The following ABCC2 variants were observed in gnomAD, a reference collection of about 807,000 sequenced individuals.
The protein encoded by ABCC2 is ATP binding cassette subfamily C member 2, also known as ATP-binding cassette sub-family C member 2.
In ABCC2, 157 loss-of-function variants were observed where a neutral mutation model predicts 173.4. The observed-to-expected ratio is 0.91, with a 90% confidence interval of 0.80 to 1.03. The LOEUF (loss-of-function observed/expected upper bound fraction) is 1.03. Ranked by LOEUF, ABCC2 falls within the 50% of genes least tolerant of loss-of-function variation. The probability of loss-of-function intolerance (pLI) is 0.00; values close to 1 mark genes in which losing one functional copy is unlikely to be tolerated. For missense variants in ABCC2, 1,822 were observed against 1,852.3 expected (o/e 0.98, Z 0.30); for synonymous variants, 657 against 693.5 (o/e 0.95, Z 0.83).
intron 17 of ABCC2, among the ~76,000 whole-genome samples, chr10:99,817,898 T>A (rs1365127345): frequency 6.6e-6 from 1 of 152,168 alleles, no homozygotes; most frequent in African/African-American, 2.4e-5. Context: ...TTGTGAATTA[T>A]CTTTTGATGT....
rs79176939 is a variant in ABCC2, at chr10:99,841,657, T to C, written c.3615-310T>C. On this transcript the variant is annotated intron_variant, in intron 25 of 31. Coordinates refer to ENST00000647814, the MANE Select transcript of ABCC2 (RefSeq NM_000392.5). ...GGTCCAGGAATTTTCCACATGAATT[T>C]GTAACATTGTATATTAACAGTTGCC... Among the ~76,000 whole-genome samples the C allele has an allele frequency of 0.032, 4,941 of 152,296 alleles. 260 individuals are homozygous for C. Among genetic ancestry groups the C allele is most frequent in the African/African-American group, 0.11 (4,641 of 41,536 alleles).
At chr10:99,812,166 T>C (rs1246853770) in intron 15 of ABCC2, among the ~76,000 whole-genome samples, 1 of 152,218 alleles carries the variant, frequency 6.6e-6, no homozygotes, top group Non-Finnish European at 1.5e-5. Context: ...CTCCTTACTA[T>C]ACTCCTGACT....
intron 26 of ABCC2, 68 bp from the exon 27 acceptor site, chr10:99,843,731 T>C: frequency 7.5e-7 from 1 of 1,329,276 alleles, no homozygotes; most frequent in Non-Finnish European, 1.1e-6. Context: ...TGGATTGTCC[T>C]TGTGGTTTGA....
chr10:99,788,414 C>G (rs183425345), intron 2 of ABCC2: 103 of 152,182 alleles, frequency 6.8e-4, no homozygotes, highest in African/African-American at 2.3e-3. Context: ...TATCCCACCC[C>G]CAAATAGACC....
rs2038469645 is a variant in ABCC2 at position 99,818,774 on chromosome 10, T to C, written c.2272-16T>C. 4 of 1,613,892 alleles carry C rather than the reference T, an allele frequency of 2.5e-6. No homozygotes were observed. Among genetic ancestry groups the C allele is most frequent in the Non-Finnish European group, 3.4e-6 (4 of 1,180,012 alleles). Reference sequence around the variant, plus strand: ...TCTAGGGAGTAGTGCTTAATATGAATTATTTTCTTCTTCAGGGTATAAATC... The same window carrying C: ...TCTAGGGAGTAGTGCTTAATATGAACTATTTTCTTCTTCAGGGTATAAATC... On this transcript the variant is annotated splice_polypyrimidine_tract_variant and intron_variant, in intron 17 of 31. Transcript: ENST00000647814.
chr10:99,845,828 G>C (rs1189347541), intron 29 of ABCC2, 46 bp downstream of exon 29: 2 of 1,568,080 alleles, frequency 1.3e-6, no homozygotes, highest in Admixed American at 3.7e-5. Context: ...GGAGCAGCTT[G>C]TTTTACAGGA....
chr10:99,846,035 A>C (rs1456951649), intron 29 of ABCC2, among the ~76,000 whole-genome samples: 3 of 152,230 alleles, frequency 2.0e-5, no homozygotes, highest in South Asian at 2.1e-4. Context: ...ACAGCAGACG[A>C]TTCTTTAGCG....
intron 11 of ABCC2, among the ~76,000 whole-genome samples, chr10:99,806,497 G>T (rs2038107605): frequency 6.6e-6 from 1 of 152,168 alleles, no homozygotes; most frequent in South Asian, 2.1e-4. Context: ...TTCCCTAGAT[G>T]ATTCTAATAT....
Position 99,832,252 on chromosome 10 carries a change from T to C in ABCC2, c.3258+121T>C, listed in dbSNP as rs544824919. The C allele has an allele frequency of 1.5e-5, 19 of 1,301,956 alleles. 1 individual carries two copies. Among genetic ancestry groups the C allele is most frequent in the Middle Eastern group, 2.5e-4 (1 of 3,930 alleles). 80.7% of individuals were successfully genotyped at this position (1,301,956 alleles called of 1,614,324 possible). On this transcript the variant is annotated intron_variant, in intron 23 of 31. Transcript: ENST00000647814. ...GTTCCAGTTCTTTTGTCACTCAACA[T>C]GCAAGTGTTTCTTGAGTACCTGCTG... is the stretch of plus-strand genomic sequence containing the variant.
chr10:99,784,864 T>G, intron 2 of ABCC2, 83 bp downstream of exon 2: 1 of 1,547,560 alleles, frequency 6.5e-7, no homozygotes, highest in Non-Finnish European at 8.9e-7. Context: ...GTTCTCTTCC[T>G]TGTCTTTAAG....
chr10:99,814,694 C>T (rs2038360087), intron 16 of ABCC2, among the ~76,000 whole-genome samples: 1 of 134,390 alleles, frequency 7.4e-6, no homozygotes, highest in Admixed American at 7.2e-5. Context: ...CGTGTATATA[C>T]ACATATATGT....
chr10:99,801,867 C>T (rs1203491759), intron 9 of ABCC2, among the ~76,000 whole-genome samples: 1 of 152,172 alleles, frequency 6.6e-6, no homozygotes, highest in Non-Finnish European at 1.5e-5. Flanking sequence ...GATGTTGGTT[C>T]GTTGAGAGAC....
rs191345876 is a variant in ABCC2, at chr10:99,808,366, C to T, written c.1815+137C>T. ...AGAGATCTGTTTGGTCTCTGGAGAC[C>T]AATGGTTTGACCTTAATAAAATCAT... On this transcript the variant is annotated intron_variant, in intron 13 of 31. Transcript: ENST00000647814. 7 of 1,196,902 alleles carry T rather than the reference C, an allele frequency of 5.8e-6. No individual in the cohort carries two copies. In the East Asian group the frequency reaches 1.4e-4, roughly 24 times the overall value. The allele number at this position is 1,196,902 out of a possible 1,614,324, so 74.1% of individuals were successfully genotyped here.
At chr10:99,821,299 C>A (rs528798585) in intron 19 of ABCC2, among the ~76,000 whole-genome samples, 32 of 152,290 alleles carry the variant, frequency 2.1e-4, no homozygotes, top group African/African-American at 7.2e-4. Flanking sequence ...TGCCCAGGAA[C>A]GGGCAGGAGA....
intron 2 of ABCC2, among the ~76,000 whole-genome samples, chr10:99,790,713 AGT>A (rs1590139781): frequency 6.6e-6 from 1 of 152,168 alleles, no homozygotes; most frequent in East Asian, 1.9e-4. Flanking sequence ...AACACCCTAT[AGT>A]GTATTATATA....
At chr10:99,801,397 C>T (rs903194887) in intron 9 of ABCC2, among the ~76,000 whole-genome samples, 13 of 152,086 alleles carry the variant, frequency 8.5e-5, no homozygotes, top group African/African-American at 2.4e-4. Flanking sequence ...CCACCACGCC[C>T]GGCTAATTTT....
chr10:99,833,542 G>A (rs2038772227), intron 23 of ABCC2, among the ~76,000 whole-genome samples: 1 of 152,184 alleles, frequency 6.6e-6, no homozygotes, highest in Non-Finnish European at 1.5e-5. Flanking sequence ...AGGAAGGAAA[G>A]ATGGAGACTC....
In ABCC2 at chr10:99,852,135, T is replaced by C. The variant is rs2039095275; in HGVS notation, c.*504T>C. ...ACAGCACAATGTATCAGTTTTAATA[T>C]TGGGGATCATTAGCATTATTCTCAG... On this transcript the variant is annotated 3_prime_UTR_variant, in exon 32 of 32. Coordinates refer to ENST00000647814, the MANE Select transcript of ABCC2 (RefSeq NM_000392.5). 6.3e-6 allele frequency: 1 copy of C among 158,530 alleles called. No homozygotes were observed. The allele number at this position is 158,530 out of a possible 1,614,324, so 9.8% of individuals were successfully genotyped here. A position where few individuals can be genotyped will look rare whatever the true frequency, so the allele number is the denominator to read the frequency against.
rs773589868 is a variant in ABCC2 at position 99,843,846 on chromosome 10, G to A, written c.3789G>A (p.Glu1263=). ...NWLVRMTSEI[E]TNIVAVERIT... ...TGGTGAGGATGACATCAGAAATAGA[G>A]ACCAACATTGTGGCTGTTGAGCGAA... Residue 1263 remains glutamate (E), a synonymous_variant, in exon 27 of 32, where the codon GAG becomes GAA. Coordinates refer to ENST00000647814, the MANE Select transcript of ABCC2 (RefSeq NM_000392.5). The A allele has an allele frequency of 6.2e-7, 1 of 1,614,170 alleles. No individual in the cohort carries two copies. The highest frequency in any genetic ancestry group is 8.5e-7 in the Non-Finnish European group (1 of 1,180,022).
Sources: allele counts gnomAD v4.1 joint callset (sites outside exome capture counted in the v4.1 genomes callset), GRCh38; gene constraint gnomAD v4.1.1; transcripts MANE v1.5; gene names NCBI Gene and HGNC (gene_info 2026-07-23, HGNC 2026-07-21).